Variants in GRID2 observed in about 807,000 individuals in gnomAD.
GRID2 encodes the protein glutamate ionotropic receptor delta type subunit 2, also known as glutamate receptor ionotropic, delta-2.
In GRID2, 33 loss-of-function variants were observed where a neutral mutation model predicts 114.8. That is an observed-to-expected ratio of 0.29 (90% CI 0.22 to 0.38). The LOEUF (loss-of-function observed/expected upper bound fraction) is 0.38. Ranked by LOEUF, GRID2 falls within the 10% of genes least tolerant of loss-of-function variation. The probability of loss-of-function intolerance (pLI) is 1.00; values close to 1 mark genes in which losing one functional copy is unlikely to be tolerated. For synonymous variants in GRID2, 505 were observed against 449.9 expected, an observed-to-expected ratio of 1.12 and a Z score of -1.55; for missense variants, 1,184 against 1,257.7, an observed-to-expected ratio of 0.94 and a Z score of 0.89.
chr4:93,136,535 A>G (rs1237368373), intron 4 of GRID2, among the ~76,000 whole-genome samples: 2 of 152,164 alleles, frequency 1.3e-5, no homozygotes, highest in African/African-American at 4.8e-5. Context: ...AAAACTTTCA[A>G]TGAAAAGGAA....
intron 2 of GRID2, among the ~76,000 whole-genome samples, chr4:92,990,557 T>A (rs1754830809): frequency 6.6e-6 from 1 of 151,888 alleles, no homozygotes; most frequent in African/African-American, 2.4e-5. Flanking sequence ...ACAGGTGATC[T>A]ACCCGCCTCA....
At chr4:92,911,588 T>C (rs1391607456) in intron 2 of GRID2, among the ~76,000 whole-genome samples, 1 of 151,904 alleles carries the variant, frequency 6.6e-6, no homozygotes, top group African/African-American at 2.4e-5. Flanking sequence ...CAAAACAAAT[T>C]TATACAGGGA....
intron 3 of GRID2, among the ~76,000 whole-genome samples, chr4:93,087,049 T>TATTTA (rs376288019): frequency 6.6e-6 from 1 of 151,096 alleles, no homozygotes; most frequent in Non-Finnish European, 1.5e-5. Context: ...TTTATTTATT[T>TATTTA]TTTGAGATGG....
chr4:92,318,030 T>G (rs1419958958), intron 1 of GRID2, among the ~76,000 whole-genome samples: 1 of 152,060 alleles, frequency 6.6e-6, no homozygotes, highest in Non-Finnish European at 1.5e-5. Flanking sequence ...ACACATTGAG[T>G]CTTGAGCATC....
At chr4:92,456,319 T>C (rs1291682515) in intron 1 of GRID2, among the ~76,000 whole-genome samples, 1 of 152,052 alleles carries the variant, frequency 6.6e-6, no homozygotes, top group African/African-American at 2.4e-5. Context: ...GTGGCTCTAG[T>C]AGAATGGGAA....
chr4:93,726,081 T>C (rs1391470623), intron 14 of GRID2, among the ~76,000 whole-genome samples: 2 of 151,730 alleles, frequency 1.3e-5, no homozygotes, highest in Admixed American at 6.6e-5. Context: ...CTGAATGGTA[T>C]TGCCTAGGTT....
At position 93,722,191 on chromosome 4, in the gene GRID2, C is replaced by T. The variant is rs1729438783; in HGVS notation, c.2361-47019C>T. 2.6e-5 allele frequency among the ~76,000 whole-genome samples: 4 copies of T among 152,104 alleles called. 1 individual carries two copies. The South Asian group carries it at 8.3e-4, about 32-fold the overall frequency. On this transcript the variant is annotated intron_variant, in intron 14 of 15. Transcript: ENST00000282020. ...TCAGCCTACCAAAGTGCTAGGATTACAGGCATGAGCCACCACGCCCGGCCA... is the reference window on the plus strand; with the variant it reads ...TCAGCCTACCAAAGTGCTAGGATTATAGGCATGAGCCACCACGCCCGGCCA...
chr4:93,205,858 T>G (rs1332322931), intron 4 of GRID2, among the ~76,000 whole-genome samples: 3 of 152,128 alleles, frequency 2.0e-5, no homozygotes, highest in South Asian at 2.1e-4. Context: ...TTCTAACTGC[T>G]GTGAGATGGT....
At chr4:93,207,982 A>C (rs1743008825) in intron 5 of GRID2, among the ~76,000 whole-genome samples, 1 of 151,960 alleles carries the variant, frequency 6.6e-6, no homozygotes, top group African/African-American at 2.4e-5. Context: ...TGCAAAGATA[A>C]TACATAAGAT....
chr4:93,434,566 A>G (rs554971143), intron 10 of GRID2, among the ~76,000 whole-genome samples: 1 of 152,176 alleles, frequency 6.6e-6, no homozygotes, highest in Non-Finnish European at 1.5e-5. Flanking sequence ...AAAACAAAAA[A>G]AAACAGCCTT....
At chr4:92,586,395 T>TAC (rs1308218018) in intron 1 of GRID2, among the ~76,000 whole-genome samples, 3 of 114,180 alleles carry the variant, frequency 2.6e-5, no homozygotes, top group African/African-American at 3.4e-5. Flanking sequence ...CACACACACA[T>TAC]ACACACACAC....
At chr4:92,430,051 A>G (rs1337193552) in intron 1 of GRID2, among the ~76,000 whole-genome samples, 1 of 151,970 alleles carries the variant, frequency 6.6e-6, no homozygotes, top group African/African-American at 2.4e-5. Flanking sequence ...CCATTGTGTG[A>G]GTTGTCTCTT....
At chr4:92,323,858 G>T (rs1033405020) in intron 1 of GRID2, among the ~76,000 whole-genome samples, 2 of 151,882 alleles carry the variant, frequency 1.3e-5, no homozygotes, top group African/African-American at 4.8e-5. Context: ...AGGTTAAGTG[G>T]CTCAAATGCT....
At chr4:92,879,757 T>C (rs1040185296) in intron 2 of GRID2, among the ~76,000 whole-genome samples, 3 of 152,200 alleles carry the variant, frequency 2.0e-5, no homozygotes, top group African/African-American at 2.4e-5. Flanking sequence ...TTCAACACAA[T>C]GTGCAGGAGA....
intron 2 of GRID2, among the ~76,000 whole-genome samples, chr4:92,979,124 A>G (rs1434726140): frequency 6.6e-6 from 1 of 152,286 alleles, no homozygotes; most frequent in Admixed American, 6.5e-5. Context: ...ATATGTGGCT[A>G]GTACAAATTG....
intron 2 of GRID2, among the ~76,000 whole-genome samples, chr4:92,774,070 A>G (rs1006349580): frequency 2.0e-5 from 3 of 152,164 alleles, no homozygotes; most frequent in Admixed American, 1.3e-4. Flanking sequence ...TTAGTTGCAT[A>G]GTGCTATAAA....
At chr4:93,049,887 T>C (rs1726530020) in intron 2 of GRID2, among the ~76,000 whole-genome samples, 1 of 152,044 alleles carries the variant, frequency 6.6e-6, no homozygotes, top group South Asian at 2.1e-4. Flanking sequence ...CTATTTATGC[T>C]CTGTTAATCA....
intron 14 of GRID2, among the ~76,000 whole-genome samples, chr4:93,736,738 AT>A (rs528193148): frequency 2.0e-5 from 3 of 151,366 alleles, no homozygotes; most frequent in Non-Finnish European, 4.4e-5. Context: ...GGAATATTTG[AT>A]TTTTTTTAGT....
chr4:93,532,354 C>A (rs1013124045), intron 13 of GRID2, among the ~76,000 whole-genome samples: 1 of 152,108 alleles, frequency 6.6e-6, no homozygotes, highest in Non-Finnish European at 1.5e-5. Context: ...TTATTGCTTT[C>A]GCCTTCCATG....
Sources: allele counts gnomAD v4.1 joint callset (sites outside exome capture counted in the v4.1 genomes callset), GRCh38; gene constraint gnomAD v4.1.1; transcripts MANE v1.5; gene names NCBI Gene and HGNC (gene_info 2026-07-23, HGNC 2026-07-21).